Variants in CFAP74 observed in about 807,000 individuals in gnomAD.
CFAP74 encodes cilia- and flagella-associated protein 74.
CFAP74 carries 124 observed loss-of-function variants against 188.9 expected under a neutral mutation model. The observed-to-expected ratio is 0.66, with a 90% CI of 0.57 to 0.76. The LOEUF (loss-of-function observed/expected upper bound fraction) is 0.76, where lower values mean the gene tolerates loss of function less well. CFAP74 is among the 30% of genes least tolerant of loss of function. The pLI is 0.00. For missense variants in CFAP74, 2,198 were observed against 2,165.2 expected, an observed-to-expected ratio of 1.02 and a Z score of -0.30; for synonymous variants, 956 against 916.7, an observed-to-expected ratio of 1.04 and a Z score of -0.77.
chr1:1,930,353 G>A lies in CFAP74; in HGVS notation c.3012-17C>T. On this transcript the variant is annotated splice_polypyrimidine_tract_variant and intron_variant, in intron 25 of 38. Coordinates refer to ENST00000682832, the MANE Select transcript of CFAP74 (RefSeq NM_001304360.2). Reference sequence around the variant, plus strand: ...TTGAAGCACCTGCAAGCAGCAGCATGGGAGGCCCTCAGCCGTGCAGGGCGT... The same window carrying A: ...TTGAAGCACCTGCAAGCAGCAGCATAGGAGGCCCTCAGCCGTGCAGGGCGT... The A allele has an allele frequency of 6.6e-7, 1 of 1,509,000 alleles. No individual in the cohort carries two copies. The highest frequency in any genetic ancestry group is 1.2e-5 in the South Asian group (1 of 80,950). 93.5% of individuals were successfully genotyped at this position (1,509,000 alleles called of 1,614,324 possible). A position where few individuals can be genotyped will look rare whatever the true frequency, so the allele number is the denominator to read the frequency against.
chr1:1,924,230 CCCCTCCAGCTCACCACCCGCCCCT>C (rs2102028225), intron 34 of CFAP74, among the ~76,000 whole-genome samples, 137 bp downstream of exon 34: 3 of 51,054 alleles, frequency 5.9e-5, no homozygotes, highest in Non-Finnish European at 4.2e-5. Flanking sequence ...ACCGACCACC[CCCCTCCAGCTCACCACCCGCCCCT>C]GCCAGTTCAC....
intron 25 of CFAP74, among the ~76,000 whole-genome samples, chr1:1,936,369 C>A (rs1430321626): frequency 6.7e-6 from 1 of 149,774 alleles, no homozygotes; most frequent in Non-Finnish European, 1.5e-5. Flanking sequence ...CATGGTGAAA[C>A]CCTGTCTCTA....
chr1:1,976,864 T>A (rs970282413), intron 6 of CFAP74, among the ~76,000 whole-genome samples: 2 of 134,572 alleles, frequency 1.5e-5, no homozygotes, highest in African/African-American at 2.6e-5. Context: ...TCTTTTTTTT[T>A]TGAGACAGTC....
intron 18 of CFAP74, 81 bp downstream of exon 18, chr1:1,955,609 CT>C: frequency 6.2e-7 from 1 of 1,612,602 alleles, no homozygotes; most frequent in Non-Finnish European, 8.5e-7. Context: ...CAGCCCTCCC[CT>C]GGGCCCCTCA....
intron 1 of CFAP74, among the ~76,000 whole-genome samples, chr1:2,000,823 A>G (rs1186860992): frequency 1.3e-5 from 2 of 151,968 alleles, no homozygotes; most frequent in Admixed American, 6.6e-5. Flanking sequence ...AGTCCAAATA[A>G]GGTCATATTC....
At chr1:1,945,884 C>A (rs1015452021) in intron 20 of CFAP74, among the ~76,000 whole-genome samples, 9 of 146,652 alleles carry the variant, frequency 6.1e-5, no homozygotes. Flanking sequence ...TGTGTGTGGG[C>A]TCTGCGTGTG....
rs201079921 is a variant in CFAP74 at position 1,972,962 on chromosome 1, G to T, written c.760C>A (p.Arg254=). The change falls in exon 8 of 39, where the codon CGG becomes AGG. Residue 254 remains arginine, a synonymous_variant. Coordinates refer to ENST00000682832, the MANE Select transcript of CFAP74 (RefSeq NM_001304360.2). ...CTTCCCAGGGAGGCCTTCAGGAACC[G>T]CACGGCAACCTTGTGGTTCTTCCGG... ...DARKNHKVAV[R]FLKASLGRIR... 1.2e-6 allele frequency: 2 copies of T among 1,613,822 alleles called. No homozygotes were observed. Among genetic ancestry groups the T allele is most frequent in the Admixed American group, 1.7e-5 (1 of 60,020 alleles).
At position 1,942,576 on chromosome 1, in the gene CFAP74, G is replaced by A. The variant is rs1195549551; in HGVS notation, c.2487-420C>T. The stretch of plus-strand genomic sequence containing the variant: ...ATCCTGCAGCTCAAGCACAGGGCAC[G>A]TGGGGGGCCTGGGACGGCCACAGGC... On this transcript the variant is annotated intron_variant, in intron 21 of 38. Coordinates refer to ENST00000682832, the MANE Select transcript of CFAP74 (RefSeq NM_001304360.2). The surrounding 1 kb of genome is among the most constrained non-coding windows in gnomAD (Gnocchi z 4.3). Among the ~76,000 whole-genome samples, 13 of 152,066 alleles carry A rather than the reference G, an allele frequency of 8.5e-5. No homozygotes were observed. Among genetic ancestry groups the A allele is most frequent in the Non-Finnish European group, 1.6e-4 (11 of 67,986 alleles).
Position 1,942,996 on chromosome 1 carries a change from G to C in CFAP74, c.2487-840C>G, listed in dbSNP as rs548586511. ...CCCAGAGGCCACCCACAGTGCGTCT[G>C]GGCACGCCAGCCTCTGCACCCCTAC... On this transcript the variant is annotated intron_variant, in intron 21 of 38. Coordinates refer to ENST00000682832, the MANE Select transcript of CFAP74 (RefSeq NM_001304360.2). This position sits in a 1 kb window ranked among gnomAD's most constrained non-coding sequence, Gnocchi z 4.3. Among the ~76,000 whole-genome samples, 22 of 152,314 alleles carry C rather than the reference G, an allele frequency of 1.4e-4. 1 individual carries two copies. The highest frequency in any genetic ancestry group is 5.3e-4 in the African/African-American group (22 of 41,566).
At chr1:1,987,687 G>T (rs998875027) in intron 4 of CFAP74, among the ~76,000 whole-genome samples, 9 of 152,022 alleles carry the variant, frequency 5.9e-5, no homozygotes, top group Non-Finnish European at 1.3e-4. Context: ...GACTACAGGC[G>T]CCCACCACCA....
chr1:1,955,122 AGCTGC>A, intron 18 of CFAP74: 2 of 1,286,640 alleles, frequency 1.6e-6, no homozygotes, highest in South Asian at 2.5e-5. Context: ...CTCCGCGCTG[AGCTGC>A]AGGGCGTGCG....
intron 18 of CFAP74, chr1:1,955,417 G>A: frequency 1.4e-6 from 2 of 1,457,484 alleles, no homozygotes; most frequent in Non-Finnish European, 1.8e-6. Flanking sequence ...TCCCCGCCCT[G>A]TGCGGCTCCG....
chr1:1,970,258 C>T (rs894212444), intron 10 of CFAP74, among the ~76,000 whole-genome samples: 3 of 152,228 alleles, frequency 2.0e-5, no homozygotes, highest in Admixed American at 6.5e-5. Context: ...AGGGAGTGAG[C>T]AAGGGCAGGC....
intron 20 of CFAP74, 107 bp from the exon 21 acceptor site, chr1:1,944,559 T>C (rs1262874679): frequency 2.6e-6 from 3 of 1,170,134 alleles, no homozygotes; most frequent in African/African-American, 1.5e-5. Context: ...GGGCTTGAGT[T>C]TTCTAACTCT....
intron 18 of CFAP74, among the ~76,000 whole-genome samples, chr1:1,949,732 T>C (rs1654090655): frequency 6.6e-6 from 1 of 152,192 alleles, no homozygotes; most frequent in Admixed American, 6.5e-5. Context: ...TTAGCCAAAA[T>C]ATTCTTTTTC....
At position 1,968,640 on chromosome 1, in the gene CFAP74, T is replaced by C. The variant is rs757037371; in HGVS notation, c.1240A>G (p.Thr414Ala). ...CAGGAAGGCGTTTTGCTCACCAGTGTGTACGTGTTGGTTGGGACTGTGGTC... is the reference window on the plus strand; with the variant it reads ...CAGGAAGGCGTTTTGCTCACCAGTGCGTACGTGTTGGTTGGGACTGTGGTC... ...KKTTVPTNTY[T>A]LDYEAAAGPG... Residue 414 changes from threonine to alanine, a missense_variant, in exon 11 of 39, where the codon ACA becomes GCA. Transcript: ENST00000682832. This position sits in a 1 kb window ranked among gnomAD's most constrained non-coding sequence, Gnocchi z 4.3. The C allele has an allele frequency of 8.7e-6, 14 of 1,611,884 alleles. No individual in the cohort carries two copies. The East Asian group carries it at 2.9e-4, about 33-fold the overall frequency.
chr1:1,926,457 G>C lies in CFAP74; in HGVS notation c.3828C>G (p.Ala1276=), dbSNP rs28429519. ...SIQNVSPEDL[A]LDFSLLNPNG... ...GCCTGAGCTGGGTGGACAAGGACAC[G>C]GCCAGATCCTCGGGAGAGACGTTCT... The change falls in exon 31 of 39, where the codon GCC becomes GCG. Residue 1276 remains alanine, a splice_region_variant and synonymous_variant. Coordinates refer to ENST00000682832, the MANE Select transcript of CFAP74 (RefSeq NM_001304360.2). 2 of 1,550,262 alleles carry C rather than the reference G, an allele frequency of 1.3e-6. No individual in the cohort carries two copies. Among genetic ancestry groups the C allele is most frequent in the South Asian group, 1.2e-5 (1 of 84,060 alleles).
Position 1,930,155 on chromosome 1 carries a change from C to A in CFAP74, c.3193G>T (p.Ala1065Ser). ...AAAGACGTGGGCCCCATGGGAGAGG[C>A]GTCCTCTGAGCCAATGCGGGGCTTG... ...HSKPRIGSEDASPMGPTSFEF... is the reference protein window; with the variant it reads ...HSKPRIGSEDSSPMGPTSFEF... The change falls in exon 26 of 39, where the codon GCC (alanine) becomes TCC (serine). Residue 1065 changes from alanine (A) to serine (S), a missense_variant. Ala to Ser is a moderately conservative substitution (Grantham distance 99). Coordinates refer to ENST00000682832, the MANE Select transcript of CFAP74 (RefSeq NM_001304360.2). 1 of 1,535,622 alleles carries A rather than the reference C, an allele frequency of 6.5e-7. No individual in the cohort carries two copies. Among genetic ancestry groups the A allele is most frequent in the Non-Finnish European group, 8.7e-7 (1 of 1,146,700 alleles).
At chr1:1,934,601 G>T (rs1413613688) in intron 25 of CFAP74, among the ~76,000 whole-genome samples, 1 of 150,822 alleles carries the variant, frequency 6.6e-6, no homozygotes, top group Admixed American at 6.6e-5. Flanking sequence ...GTACACGTGT[G>T]TATGTGTGTG....
Sources: gnomAD v4.1 joint callset for allele counts (sites outside exome capture counted in the v4.1 genomes callset) on GRCh38, gnomAD v4.1.1 for gene constraint, Gnocchi (gnomAD v3.1) non-coding constraint, MANE v1.5 for transcripts, NCBI Gene and HGNC (gene_info 2026-07-23, HGNC 2026-07-21) for gene names.